The following SLC24A3 variants were observed in gnomAD, a reference collection of about 807,000 sequenced individuals.
The protein encoded by SLC24A3 is sodium/potassium/calcium exchanger 3.
In SLC24A3, 28 loss-of-function variants were observed where a neutral mutation model predicts 75.8. The ratio of observed to expected loss-of-function variants is 0.37; its 90% CI spans 0.27 to 0.51. The LOEUF is 0.51. Among genes scored for constraint, SLC24A3 ranks in the 20% least tolerant of loss-of-function variants. The pLI is 0.94. For missense variants in SLC24A3, 663 were observed against 847.8 expected, an observed-to-expected ratio of 0.78 and a Z score of 2.71; for synonymous variants, 372 against 334.1, an observed-to-expected ratio of 1.11 and a Z score of -1.24.
In SLC24A3 at chr20:19,604,673, G is replaced by A. The variant is rs1390221869; in HGVS notation, c.612+19129G>A. Among the ~76,000 whole-genome samples, 6 of 152,324 alleles carry A rather than the reference G, an allele frequency of 3.9e-5. No homozygotes were observed. In the South Asian group the frequency reaches 1.2e-3, roughly 32 times the overall value. On this transcript the variant is annotated intron_variant, in intron 6 of 16. Transcript: ENST00000328041. ...AAACTAGCTTATTGTCATGGACCAA[G>A]CATTGCTAACACGACCTCAAGTGTG...
chr20:19,698,742 C>G, intron 15 of SLC24A3, 62 bp downstream of exon 15: 2 of 1,281,752 alleles, frequency 1.6e-6, no homozygotes, highest in Non-Finnish European at 2.2e-6. Context: ...GTTTTAACAG[C>G]CTTGGCCACA....
chr20:19,377,939 T>C (rs1986114121), intron 2 of SLC24A3, among the ~76,000 whole-genome samples: 1 of 152,198 alleles, frequency 6.6e-6, no homozygotes, highest in African/African-American at 2.4e-5. Context: ...TGGCCAGTCA[T>C]TTATGTGTCT....
chr20:19,435,306 A>G (rs1391144109), intron 2 of SLC24A3, among the ~76,000 whole-genome samples: 1 of 152,248 alleles, frequency 6.6e-6, no homozygotes, highest in African/African-American at 2.4e-5. Flanking sequence ...ATTAAGTGGT[A>G]CTGCCCATGC....
At chr20:19,372,651 T>C (rs1986012126) in intron 2 of SLC24A3, among the ~76,000 whole-genome samples, 1 of 152,112 alleles carries the variant, frequency 6.6e-6, no homozygotes, top group Non-Finnish European at 1.5e-5. Context: ...TTACTAAGAA[T>C]CAAATCCTGC....
chr20:19,274,861 G>A (rs1285570970), intron 1 of SLC24A3, among the ~76,000 whole-genome samples: 3 of 152,220 alleles, frequency 2.0e-5, no homozygotes, highest in Non-Finnish European at 4.4e-5. Context: ...CAGAGTGGAG[G>A]CAGCTGTGTA....
intron 3 of SLC24A3, among the ~76,000 whole-genome samples, chr20:19,567,971 A>C (rs753852098): frequency 1.2e-4 from 18 of 151,940 alleles, no homozygotes; most frequent in Non-Finnish European, 2.9e-5. Flanking sequence ...AAATGGGCGA[A>C]GGACTTGAAT....
chr20:19,655,684 T>TAGC (rs1296026707), intron 7 of SLC24A3, among the ~76,000 whole-genome samples: 11 of 152,088 alleles, frequency 7.2e-5, no homozygotes, highest in African/African-American at 2.4e-4. Flanking sequence ...AATTTGCCCT[T>TAGC]TCTGTTTGAG....
intron 2 of SLC24A3, among the ~76,000 whole-genome samples, chr20:19,299,588 T>G (rs1206340243): frequency 6.6e-6 from 1 of 152,216 alleles, no homozygotes; most frequent in East Asian, 1.9e-4. Context: ...ACTGATCTTT[T>G]TATTTTGTAA....
At chr20:19,503,759 A>G (rs747262088) in intron 2 of SLC24A3, among the ~76,000 whole-genome samples, 1 of 152,218 alleles carries the variant, frequency 6.6e-6, no homozygotes, top group South Asian at 2.1e-4. Context: ...ATATTCTTAG[A>G]TATTTATTTC....
Position 19,407,190 on chromosome 20 carries a change from G to A in SLC24A3, c.272-108298G>A, listed in dbSNP as rs574602582. The stretch of plus-strand genomic sequence containing the variant: ...GATGGAGGCATCCAAGGACTGGAGC[G>A]CCTCCTTGTCACAGAGTCCACAAGC... On this transcript the variant is annotated intron_variant, in intron 2 of 16. Transcript: ENST00000328041. Among the ~76,000 whole-genome samples, 8 of 152,282 alleles carry A rather than the reference G, an allele frequency of 5.3e-5. No individual in the cohort carries two copies. In the East Asian group the frequency reaches 5.8e-4, roughly 11 times the overall value.
intron 2 of SLC24A3, among the ~76,000 whole-genome samples, chr20:19,458,666 A>G (rs1987619357): frequency 6.6e-6 from 1 of 152,194 alleles, no homozygotes; most frequent in Non-Finnish European, 1.5e-5. Context: ...TTTTATCCGT[A>G]TTGTAGCATG....
At chr20:19,347,953 G>A (rs1256879109) in intron 2 of SLC24A3, among the ~76,000 whole-genome samples, 1 of 152,240 alleles carries the variant, frequency 6.6e-6, no homozygotes, top group Non-Finnish European at 1.5e-5. Flanking sequence ...GGCATGTGGA[G>A]CTCTGTGCCT....
intron 6 of SLC24A3, among the ~76,000 whole-genome samples, chr20:19,636,415 G>A (rs1323508788): frequency 6.6e-6 from 1 of 152,180 alleles, no homozygotes; most frequent in African/African-American, 2.4e-5. Flanking sequence ...GACAGTACCA[G>A]AAAGATGCTC....
intron 1 of SLC24A3, among the ~76,000 whole-genome samples, chr20:19,270,753 G>A (rs1033548): frequency 0.18 from 27,636 of 151,832 alleles, 3,731 homozygotes; most frequent in East Asian, 0.69. Flanking sequence ...TTGTATGTAT[G>A]TGAGTGTGGG....
chr20:19,522,655 A>T (rs935253877), intron 3 of SLC24A3, among the ~76,000 whole-genome samples: 4 of 152,236 alleles, frequency 2.6e-5, no homozygotes, highest in African/African-American at 9.6e-5. Flanking sequence ...CTCCTGTCAC[A>T]GGGCCAGAGC....
intron 1 of SLC24A3, among the ~76,000 whole-genome samples, chr20:19,238,797 C>T (rs1982243922): frequency 6.6e-6 from 1 of 152,218 alleles, no homozygotes. Flanking sequence ...ACCGAAGACA[C>T]ACCTCCTGCC....
intron 3 of SLC24A3, among the ~76,000 whole-genome samples, chr20:19,520,233 G>A (rs975873705): frequency 2.6e-5 from 4 of 152,198 alleles, no homozygotes; most frequent in African/African-American, 9.6e-5. Flanking sequence ...GACATATCAA[G>A]GAGAATATTT....
intron 2 of SLC24A3, among the ~76,000 whole-genome samples, chr20:19,327,604 ACTGT>A (rs1341913611): frequency 6.6e-6 from 1 of 152,110 alleles, no homozygotes; most frequent in Non-Finnish European, 1.5e-5. Context: ...TGCTCTGATG[ACTGT>A]CTGTTCCATT....
At chr20:19,334,960 A>G (rs1024241854) in intron 2 of SLC24A3, among the ~76,000 whole-genome samples, 1 of 152,184 alleles carries the variant, frequency 6.6e-6, no homozygotes, top group African/African-American at 2.4e-5. Flanking sequence ...TGCCATATGC[A>G]GGAGATAGGC....
Sources: gnomAD v4.1 joint callset for allele counts (sites outside exome capture counted in the v4.1 genomes callset) on GRCh38, gnomAD v4.1.1 for gene constraint, MANE v1.5 for transcripts, NCBI Gene and HGNC (gene_info 2026-07-23, HGNC 2026-07-21) for gene names.